HMG20B: variants seen among roughly 807,000 people sequenced by gnomAD.
The protein encoded by HMG20B is SWI/SNF-related matrix-associated actin-dependent regulator of chromatin subfamily E member 1-related.
A neutral mutation model predicts 41.6 loss-of-function variants in HMG20B; 24 were observed. The observed-to-expected ratio is 0.58, with a 90% CI of 0.42 to 0.81. HMG20B has a LOEUF of 0.81. Ranked by LOEUF, HMG20B falls within the 30% of genes least tolerant of loss-of-function variation. The pLI is 0.00. For synonymous variants in HMG20B, 251 were observed against 186.6 expected (o/e 1.34, Z -2.81); for missense variants, 461 against 444.0 (o/e 1.04, Z -0.34).
chr19:3,578,399 TG>T, intron 9 of HMG20B, 109 bp from the exon 10 acceptor site: 1 of 1,393,220 alleles, frequency 7.2e-7, no homozygotes, highest in Non-Finnish European at 9.5e-7. Context: ...CCCCCAACCC[TG>T]GCATCTGTTG....
chr19:3,578,277 G>T (rs771192935), intron 9 of HMG20B, 164 bp downstream of exon 9: 1 of 1,156,716 alleles, frequency 8.6e-7, no homozygotes, highest in Non-Finnish European at 1.2e-6. Context: ...ACCAGTGCTA[G>T]GATGGCCATG....
At position 3,573,358 on chromosome 19, in the gene HMG20B, T is replaced by A. The variant is rs1447079661; in HGVS notation, c.38+11T>A. 1 of 1,530,712 alleles carries A rather than the reference T, an allele frequency of 6.5e-7. No individual in the cohort carries two copies. The highest frequency in any genetic ancestry group is 1.2e-5 in the South Asian group (1 of 82,688). 94.8% of individuals were successfully genotyped at this position (1,530,712 alleles called of 1,614,324 possible). On this transcript the variant is annotated intron_variant, in intron 2 of 9. Coordinates refer to ENST00000333651, the MANE Select transcript of HMG20B (RefSeq NM_006339.3). ...CGGCGCGGCCGCCGCGTGAGTGCACTGATCCCCTCCCCACGCCCTCGCTAC... is the reference window on the plus strand; with the variant it reads ...CGGCGCGGCCGCCGCGTGAGTGCACAGATCCCCTCCCCACGCCCTCGCTAC...
chr19:3,574,354 C>T (rs755851013), intron 3 of HMG20B, 29 bp from the exon 4 acceptor site: 4 of 1,554,470 alleles, frequency 2.6e-6, no homozygotes, highest in Non-Finnish European at 3.5e-6. Context: ...GCCAGGCCCC[C>T]CTCCCAACGA....
At position 3,573,847 on chromosome 19, in the gene HMG20B, C is replaced by T. The variant is rs371227300; in HGVS notation, c.147+47C>T. ...TGGGGGAGGCCCCGGGCTCCCGCCC[C>T]AGCCTCGAAGCCCCGCCCCAGGCTG... On this transcript the variant is annotated intron_variant, in intron 3 of 9. Coordinates refer to ENST00000333651, the MANE Select transcript of HMG20B (RefSeq NM_006339.3). The T allele has an allele frequency of 2.0e-4, 296 of 1,500,124 alleles. No homozygotes were observed. In the African/African-American group the frequency reaches 3.7e-3, roughly 19 times the overall value. 92.9% of individuals were successfully genotyped at this position (1,500,124 alleles called of 1,614,324 possible). A position where few individuals can be genotyped will look rare whatever the true frequency, so the allele number is the denominator to read the frequency against.
In HMG20B at chr19:3,575,531, G is replaced by GC. The variant is rs2032138801; in HGVS notation, c.352-3dup. 2.6e-6 allele frequency: 4 copies of GC among 1,562,688 alleles called. No homozygotes were observed. The highest frequency in any genetic ancestry group is 2.7e-5 in the African/African-American group (2 of 73,568). On this transcript the variant is annotated splice_polypyrimidine_tract_variant and intron_variant, in intron 4 of 9. Transcript: ENST00000333651. ...CCCCTGCTTCAAGCCTTCTGGTGCTGCCCCCCAGCGGTACCTGGATGAGGC... is the reference window on the plus strand; with the variant it reads ...CCCCTGCTTCAAGCCTTCTGGTGCTGCCCCCCCAGCGGTACCTGGATGAGGC...
chr19:3,574,322 C>A, intron 3 of HMG20B, 61 bp from the exon 4 acceptor site: 1 of 1,474,880 alleles, frequency 6.8e-7, no homozygotes, highest in Non-Finnish European at 9.2e-7. Flanking sequence ...CGCCCATGCC[C>A]CTCTGAGCCC....
chr19:3,578,409 T>G (rs894784983), intron 9 of HMG20B, 100 bp from the exon 10 acceptor site: 31 of 1,424,890 alleles, frequency 2.2e-5, no homozygotes, highest in Non-Finnish European at 2.5e-5. Flanking sequence ...TGGCATCTGT[T>G]GGAGCAGCTG....
In HMG20B at chr19:3,578,097, C is replaced by T; in HGVS notation, c.925C>T (p.Leu309=). 1 of 1,611,324 alleles carries T rather than the reference C, an allele frequency of 6.2e-7. No homozygotes were observed. The highest frequency in any genetic ancestry group is 8.5e-7 in the Non-Finnish European group (1 of 1,179,410). The change falls in exon 9 of 10, where the codon CTG becomes TTG. Residue 309 remains leucine, a synonymous_variant. Transcript: ENST00000333651. ...GCTCATCGTCCGCATCAAGGAAATC[C>T]TGGCCCAGGTCGCCAGGTGTGTGCC... ...EKLIVRIKEI[L]AQVASEHL is the part of the protein sequence containing the mutation.
At chr19:3,577,159 G>A in intron 8 of HMG20B, 52 bp downstream of exon 8, 7 of 1,114,306 alleles carry the variant, frequency 6.3e-6, no homozygotes, top group East Asian at 3.1e-5. Context: ...GGCCCCGCCC[G>A]CCTCCCCCCC....
intron 9 of HMG20B, 37 bp downstream of exon 9, chr19:3,578,150 A>G (rs758356698): frequency 6.3e-7 from 1 of 1,599,338 alleles, no homozygotes; most frequent in Admixed American, 1.7e-5. Flanking sequence ...GCCGGGGTTC[A>G]AGGCCCGGAT....
At position 3,576,208 on chromosome 19, in the gene HMG20B, C is replaced by T. The variant is rs1243452939; in HGVS notation, c.473-53C>T. The stretch of plus-strand genomic sequence containing the variant: ...AGCAGCGCTGACCTAGGGTGCAGGG[C>T]GTGGTCCCTGGAGGCCTGGGAGGCT... On this transcript the variant is annotated intron_variant, in intron 5 of 9. Coordinates refer to ENST00000333651, the MANE Select transcript of HMG20B (RefSeq NM_006339.3). 5 of 1,546,806 alleles carry T rather than the reference C, an allele frequency of 3.2e-6. No homozygotes were observed. In the African/African-American group the frequency reaches 4.1e-5, roughly 13 times the overall value.
intron 5 of HMG20B, chr19:3,575,942 TCAA>T: frequency 7.3e-6 from 2 of 275,720 alleles, no homozygotes; most frequent in African/African-American, 4.0e-5. Flanking sequence ...AGACTCCGTC[TCAA>T]AAAAAAAAAA....
intron 8 of HMG20B, 83 bp from the exon 9 acceptor site, chr19:3,577,898 G>C: frequency 1.5e-6 from 2 of 1,325,572 alleles, no homozygotes; most frequent in Non-Finnish European, 2.0e-6. Flanking sequence ...GACCCGCCCT[G>C]AGTCACCCCC....
In HMG20B at chr19:3,576,930, G is replaced by C; in HGVS notation, c.631G>C (p.Val211Leu). ...AELRRLRKMNVAFEEQNAVLQ... is the reference protein window; with the variant it reads ...AELRRLRKMNLAFEEQNAVLQ... ...GCTTCGGCGCTTGCGGAAGATGAAT[G>C]TGGCCTTCGAGGAGCAGAACGCGGT... Residue 211 changes from valine to leucine, a missense_variant, in exon 8 of 10, where the codon GTG (valine) becomes CTG (leucine). Physicochemically the swap from Val to Leu is conservative, Grantham distance 32. Coordinates refer to ENST00000333651, the MANE Select transcript of HMG20B (RefSeq NM_006339.3). 6.3e-7 allele frequency: 1 copy of C among 1,584,302 alleles called. No homozygotes were observed. The highest frequency in any genetic ancestry group is 8.6e-7 in the Non-Finnish European group (1 of 1,166,844).
chr19:3,577,932 C>G lies in HMG20B; in HGVS notation c.809-49C>G, dbSNP rs759208018. 2.6e-6 allele frequency: 4 copies of G among 1,514,150 alleles called. No homozygotes were observed. In the African/African-American group the frequency reaches 5.5e-5, roughly 21 times the overall value. 93.8% of individuals were successfully genotyped at this position (1,514,150 alleles called of 1,614,324 possible). A position where few individuals can be genotyped will look rare whatever the true frequency, so the allele number is the denominator to read the frequency against. On this transcript the variant is annotated intron_variant, in intron 8 of 9. Coordinates refer to ENST00000333651, the MANE Select transcript of HMG20B (RefSeq NM_006339.3). ...CCTACCGCTGCCCCTGGAGCCCCCGCCCCGCGACTCCCCGGCACCCTCGCC... is the reference window on the plus strand; with the variant it reads ...CCTACCGCTGCCCCTGGAGCCCCCGGCCCGCGACTCCCCGGCACCCTCGCC...
In HMG20B at chr19:3,578,036, C is replaced by T. The variant is rs761758660; in HGVS notation, c.864C>T (p.His288=). ...TGGACTTCTACATGGCCCGGCTTCA[C>T]GGAGCCATCGAGCGCGACCCCGCCC... ...GTLDFYMARL[H]GAIERDPAQH... Residue 288 remains histidine (H), a synonymous_variant, in exon 9 of 10, where the codon CAC becomes CAT. Transcript: ENST00000333651. The T allele has an allele frequency of 6.2e-6, 10 of 1,609,976 alleles. No individual in the cohort carries two copies. The highest frequency in any genetic ancestry group is 1.3e-5 in the African/African-American group (1 of 74,984).
intron 9 of HMG20B, 91 bp from the exon 10 acceptor site, chr19:3,578,418 T>G: frequency 7.0e-7 from 1 of 1,435,902 alleles, no homozygotes; most frequent in Non-Finnish European, 9.2e-7. Context: ...TTGGAGCAGC[T>G]GATGGGCCAT....
At position 3,574,312 on chromosome 19, in the gene HMG20B, C is replaced by T. The variant is rs573664845; in HGVS notation, c.148-71C>T. ...ATCCCCGCCCATACGCGTTAGGCCC[C>T]GCCCATGCCCCTCTGAGCCCTGCCC... On this transcript the variant is annotated intron_variant, in intron 3 of 9. Coordinates refer to ENST00000333651, the MANE Select transcript of HMG20B (RefSeq NM_006339.3). The T allele has an allele frequency of 6.5e-6, 9 of 1,381,702 alleles. No homozygotes were observed. In the South Asian group the frequency reaches 9.0e-5, roughly 14 times the overall value. The allele number at this position is 1,381,702 out of a possible 1,614,324, so 85.6% of individuals were successfully genotyped here. A position where few individuals can be genotyped will look rare whatever the true frequency, so the allele number is the denominator to read the frequency against.
chr19:3,576,821 C>A, intron 7 of HMG20B, 71 bp from the exon 8 acceptor site: 2 of 1,495,962 alleles, frequency 1.3e-6, no homozygotes, highest in Non-Finnish European at 1.8e-6. Context: ...GGCAGGGGCA[C>A]GTCCCGGGCA....
Sources: gnomAD v4.1 joint callset for allele counts on GRCh38, gnomAD v4.1.1 for gene constraint, MANE v1.5 for transcripts, NCBI Gene and HGNC (gene_info 2026-07-23, HGNC 2026-07-21) for gene names.